Variants in FRMD3 observed in about 807,000 individuals in gnomAD.
FRMD3 encodes FERM domain-containing protein 3.
Under a neutral mutation model 70.2 loss-of-function variants are expected in FRMD3, and 33 were observed. The ratio of observed to expected loss-of-function variants is 0.47; its 90% CI spans 0.36 to 0.63. The LOEUF (loss-of-function observed/expected upper bound fraction) is 0.63, where lower values mean the gene tolerates loss of function less well. Ranked by LOEUF, FRMD3 falls within the 20% of genes least tolerant of loss-of-function variation. FRMD3 has a pLI of 0.00. For missense variants in FRMD3, 632 were observed against 711.4 expected (o/e 0.89, Z 1.27); for synonymous variants, 279 against 255.9 (o/e 1.09, Z -0.86).
In FRMD3 at chr9:83,245,639, A is replaced by G. The variant is rs761628926; in HGVS notation, c.*2279T>C. Reference sequence around the variant, plus strand: ...TTAAGTATTTTACAATGGAAAATATATTAGTTCCATAATTTAAAAAATATT... The same window carrying G: ...TTAAGTATTTTACAATGGAAAATATGTTAGTTCCATAATTTAAAAAATATT... On this transcript the variant is annotated 3_prime_UTR_variant, in exon 14 of 14. Transcript: ENST00000304195. The G allele has an allele frequency of 9.9e-5, 81 of 819,176 alleles. No individual in the cohort carries two copies. The highest frequency in any genetic ancestry group is 1.1e-4 in the Non-Finnish European group (74 of 678,552). 50.7% of individuals were successfully genotyped at this position (819,176 alleles called of 1,614,324 possible). A position where few individuals can be genotyped will look rare whatever the true frequency, so the allele number is the denominator to read the frequency against.
the FRMD3 span, among the ~76,000 whole-genome samples, chr9:83,544,612 C>G: frequency 2.0e-5 from 3 of 152,220 alleles, no homozygotes; most frequent in African/African-American, 4.8e-5. Context: ...ACTGCACAAC[C>G]TAATACAAAT....
chr9:83,416,658 T>G (rs1826450319), intron 1 of FRMD3, among the ~76,000 whole-genome samples: 1 of 152,184 alleles, frequency 6.6e-6, no homozygotes, highest in Non-Finnish European at 1.5e-5. Flanking sequence ...GCCTTAAGTC[T>G]GCCATCCTCT....
chr9:83,414,616 T>C (rs1826377581), intron 1 of FRMD3, among the ~76,000 whole-genome samples: 2 of 152,190 alleles, frequency 1.3e-5, no homozygotes, highest in Non-Finnish European at 1.5e-5. Flanking sequence ...AGGATATATA[T>C]TTTTTTAAAC....
At chr9:83,495,678 G>A (rs147521154) in intron 1 of FRMD3, among the ~76,000 whole-genome samples, 5 of 152,322 alleles carry the variant, frequency 3.3e-5, no homozygotes, top group Non-Finnish European at 5.9e-5. Context: ...TGTACTTAAT[G>A]ATAGGTATAG....
chr9:83,360,267 T>C (rs1824539450), intron 3 of FRMD3, among the ~76,000 whole-genome samples: 1 of 152,298 alleles, frequency 6.6e-6, no homozygotes, highest in African/African-American at 2.4e-5. Flanking sequence ...TAAATCAATA[T>C]GTAGAAATAA....
chr9:83,443,572 GC>G (rs1244055416), intron 1 of FRMD3, among the ~76,000 whole-genome samples: 5 of 152,166 alleles, frequency 3.3e-5, no homozygotes, highest in African/African-American at 1.2e-4. Flanking sequence ...CCAAGTCTTT[GC>G]TATTGTGAAT....
At chr9:83,526,048 T>C (rs1042763939) in intron 1 of FRMD3, among the ~76,000 whole-genome samples, 1 of 152,200 alleles carries the variant, frequency 6.6e-6, no homozygotes, top group South Asian at 2.1e-4. Context: ...CAACTGTCTA[T>C]TGAGAATTCT....
intron 13 of FRMD3, among the ~76,000 whole-genome samples, chr9:83,278,824 G>A (rs1833876811): frequency 6.6e-6 from 1 of 152,164 alleles, no homozygotes. Flanking sequence ...TCAGGAAAGG[G>A]AAGGTGGGCA....
chr9:83,272,597 C>T (rs1377875920), intron 13 of FRMD3, among the ~76,000 whole-genome samples: 5 of 151,702 alleles, frequency 3.3e-5, no homozygotes, highest in Admixed American at 1.3e-4. Context: ...CCCCTCTGCC[C>T]GGCCGCCCAG....
intron 1 of FRMD3, among the ~76,000 whole-genome samples, chr9:83,392,393 A>G (rs1295798964): frequency 6.6e-6 from 1 of 152,168 alleles, no homozygotes; most frequent in Non-Finnish European, 1.5e-5. Flanking sequence ...TGCACTAAAC[A>G]AAAGCCTGCA....
the FRMD3 span, among the ~76,000 whole-genome samples, chr9:83,546,282 AGGAG>A: frequency 2.6e-5 from 4 of 152,208 alleles, no homozygotes; most frequent in East Asian, 7.7e-4. Flanking sequence ...ACTTGAACCC[AGGAG>A]GCAGAGGTTG....
rs537345413 is a variant in FRMD3, at chr9:83,502,496, G to A, written c.147+35589C>T. Among the ~76,000 whole-genome samples the A allele has an allele frequency of 4.6e-5, 7 of 152,294 alleles. No homozygotes were observed. The South Asian group carries it at 8.3e-4, about 18-fold the overall frequency. On this transcript the variant is annotated intron_variant, in intron 1 of 13. Coordinates refer to ENST00000304195, the MANE Select transcript of FRMD3 (RefSeq NM_174938.6). ...TAAGCCATAAATAGGTACACTGTGC[G>A]AAAGTCAGAAGGAAACTTACATGGG... is the stretch of plus-strand genomic sequence containing the variant.
chr9:83,357,223 ATTTT>A (rs1564032242), intron 3 of FRMD3, among the ~76,000 whole-genome samples: 240 of 19,460 alleles, frequency 0.012, 42 homozygotes, highest in African/African-American at 0.047. Flanking sequence ...GAATATATAT[ATTTT>A]ATATATATAT....
At chr9:83,376,077 T>C (rs565439469) in intron 2 of FRMD3, among the ~76,000 whole-genome samples, 1 of 151,228 alleles carries the variant, frequency 6.6e-6, no homozygotes, top group South Asian at 2.1e-4. Context: ...GGAGAATCGC[T>C]TGAACCCAGG....
At chr9:83,257,367 G>A (rs1239568525) in intron 13 of FRMD3, among the ~76,000 whole-genome samples, 1 of 152,148 alleles carries the variant, frequency 6.6e-6, no homozygotes, top group Non-Finnish European at 1.5e-5. Flanking sequence ...ACTGGGGCCT[G>A]TCGGCAGGGG....
At chr9:83,377,081 G>C (rs1298147440) in intron 2 of FRMD3, among the ~76,000 whole-genome samples, 1 of 152,180 alleles carries the variant, frequency 6.6e-6, no homozygotes, top group Admixed American at 6.5e-5. Context: ...AGATGAAACT[G>C]TTAGGTATTC....
chr9:83,561,790 A>C, the FRMD3 span, among the ~76,000 whole-genome samples: 1 of 152,206 alleles, frequency 6.6e-6, no homozygotes, highest in Non-Finnish European at 1.5e-5. Flanking sequence ...AATAGAGAAG[A>C]GCATGTATAT....
At chr9:83,255,166 G>A (rs964664877) in intron 13 of FRMD3, among the ~76,000 whole-genome samples, 7 of 151,972 alleles carry the variant, frequency 4.6e-5, no homozygotes, top group African/African-American at 1.7e-4. Context: ...GCAGCATATC[G>A]AAAGGCTTAT....
At chr9:83,316,174 T>TTC in intron 6 of FRMD3, among the ~76,000 whole-genome samples, 1 of 148,066 alleles carries the variant, frequency 6.8e-6, no homozygotes, top group African/African-American at 2.6e-5. Flanking sequence ...TTTTTTTTTT[T>TTC]TTGAGACAGA....
Sources: gnomAD v4.1 joint callset for allele counts (sites outside exome capture counted in the v4.1 genomes callset) on GRCh38, gnomAD v4.1.1 for gene constraint, MANE v1.5 for transcripts, NCBI Gene and HGNC (gene_info 2026-07-23, HGNC 2026-07-21) for gene names.